Variants in ZNF16 observed in about 807,000 individuals in gnomAD.
The protein encoded by ZNF16 is zinc finger protein KOX9.
Under a neutral mutation model 9.0 loss-of-function variants are expected in ZNF16, and 7 were observed. That is an observed-to-expected ratio of 0.78 (90% confidence interval 0.44 to 1.47). The LOEUF is 1.47. Ranked by LOEUF, ZNF16 falls within the 40% of genes most tolerant of loss-of-function variation. The pLI, the probability that ZNF16 is intolerant of heterozygous loss-of-function variation, is 0.01. For missense variants in ZNF16, 830 were observed against 854.2 expected, an observed-to-expected ratio of 0.97 and a Z score of 0.35; for synonymous variants, 312 against 301.5, an observed-to-expected ratio of 1.03 and a Z score of -0.36.
At chr8:144,936,102 T>A (rs13272746) in intron 2 of ZNF16, among the ~76,000 whole-genome samples, 39,975 of 152,096 alleles carry the variant, frequency 0.26, 5,337 homozygotes, top group East Asian at 0.38. Flanking sequence ...CTCCAGGCCC[T>A]GGCAACCACT....
In ZNF16 at chr8:144,931,316, A is replaced by G; in HGVS notation, c.1471T>C (p.Cys491Arg). 1.9e-6 allele frequency: 3 copies of G among 1,614,248 alleles called. No individual in the cohort carries two copies. The highest frequency in any genetic ancestry group is 2.5e-6 in the Non-Finnish European group (3 of 1,180,048). ...IIHTGEKPYRCSVCGKAFSHS... is the reference protein window; with the variant it reads ...IIHTGEKPYRRSVCGKAFSHS... Reference sequence around the variant, plus strand: ...CTGAAGGCCTTCCCACAGACACTGCATCTGTACGGCTTCTCTCCCGTGTGG... The same window carrying G: ...CTGAAGGCCTTCCCACAGACACTGCGTCTGTACGGCTTCTCTCCCGTGTGG... Residue 491 changes from cysteine (C) to arginine (R), a missense_variant, in exon 3 of 3, where the codon TGC becomes CGC. By Grantham distance (180) the Cys-to-Arg change is radical. Coordinates refer to ENST00000394909, the MANE Select transcript of ZNF16 (RefSeq NM_006958.3).
rs1373082103 is a variant in ZNF16 at position 144,930,814 on chromosome 8, T to C, written c.1973A>G (p.Asp658Gly). The change falls in exon 3 of 3, where the codon GAC becomes GGC. Residue 658 changes from aspartate (D) to glycine (G), a missense_variant. Transcript: ENST00000394909. ...QRIHTGVKPYDCAACGKAFSQ... is the reference protein window; with the variant it reads ...QRIHTGVKPYGCAACGKAFSQ... ...GAAGGCTTTCCCACAAGCAGCACAG[T>C]CATAGGGCTTCACCCCAGTGTGAAT... The C allele has an allele frequency of 1.5e-5, 23 of 1,578,982 alleles. No homozygotes were observed. Among genetic ancestry groups the C allele is most frequent in the Non-Finnish European group, 2.0e-5 (23 of 1,164,234 alleles).
Position 144,932,046 on chromosome 8 carries a change from G to C in ZNF16, c.741C>G (p.Ser247Arg), listed in dbSNP as rs1192335100. The change falls in exon 3 of 3, where the codon AGC becomes AGG. Residue 247 changes from serine to arginine, a missense_variant. Coordinates refer to ENST00000394909, the MANE Select transcript of ZNF16 (RefSeq NM_006958.3). The surrounding 1 kb of genome is among the most constrained non-coding windows in gnomAD (Gnocchi z 5.0). ...FMCDDCGKTF[S>R]QNSVLKNRHR... ...GACGGTTTTTAAGAACTGAGTTCTG[G>C]CTGAAGGTTTTCCCACAATCATCAC... The C allele has an allele frequency of 6.2e-7, 1 of 1,614,130 alleles. No homozygotes were observed. Among genetic ancestry groups the C allele is most frequent in the African/African-American group, 1.3e-5 (1 of 75,034 alleles).
chr8:144,941,550 T>C (rs924903501), intron 2 of ZNF16, among the ~76,000 whole-genome samples: 2 of 152,254 alleles, frequency 1.3e-5, no homozygotes, highest in African/African-American at 4.8e-5. Context: ...TCTGCCATTT[T>C]ATTTATTTTT....
At position 144,949,973 on chromosome 8, in the gene ZNF16, T is replaced by G. The variant is rs373580211; in HGVS notation, c.-10+824A>C. 1.8e-3 allele frequency among the ~76,000 whole-genome samples: 270 copies of G among 152,324 alleles called. 1 individual carries two copies. The highest frequency in any genetic ancestry group is 5.7e-3 in the African/African-American group (236 of 41,574). On this transcript the variant is annotated intron_variant, in intron 1 of 2. Coordinates refer to ENST00000394909, the MANE Select transcript of ZNF16 (RefSeq NM_006958.3). ...CTCCTGCCTGCCCCTGGGAACTGAA[T>G]GTCTCGGTATAAAACCCGATTGTAC...
At chr8:144,949,038 G>A (rs1834027248) in intron 1 of ZNF16, among the ~76,000 whole-genome samples, 1 of 152,262 alleles carries the variant, frequency 6.6e-6, no homozygotes, top group South Asian at 2.1e-4. Flanking sequence ...CACTTCTGAG[G>A]ACCAACCTCA....
chr8:144,939,745 G>C (rs1833760194), intron 2 of ZNF16, among the ~76,000 whole-genome samples: 1 of 151,470 alleles, frequency 6.6e-6, no homozygotes, highest in Non-Finnish European at 1.5e-5. Flanking sequence ...TGTTTCTATT[G>C]ATTTGTCCCT....
intron 1 of ZNF16, among the ~76,000 whole-genome samples, chr8:144,949,370 C>G (rs1484656788): frequency 1.3e-5 from 2 of 152,258 alleles, no homozygotes; most frequent in Non-Finnish European, 2.9e-5. Context: ...TCTCTGACTT[C>G]TCATGGAACA....
At chr8:144,941,603 G>A (rs866339166) in intron 2 of ZNF16, among the ~76,000 whole-genome samples, 1 of 151,080 alleles carries the variant, frequency 6.6e-6, no homozygotes, top group African/African-American at 2.4e-5. Flanking sequence ...CTCTACTGCT[G>A]TATTCTTAGG....
intron 2 of ZNF16, among the ~76,000 whole-genome samples, chr8:144,941,867 C>T (rs1173405242): frequency 6.6e-6 from 1 of 151,200 alleles, no homozygotes; most frequent in Non-Finnish European, 1.5e-5. Context: ...ACTGTGTTGG[C>T]CAGGATGGTC....
rs542264440 is a variant in ZNF16 at position 144,950,815 on chromosome 8, G to A, written c.-28C>T. 52 of 152,354 alleles carry A rather than the reference G, an allele frequency of 3.4e-4. No individual in the cohort carries two copies. The highest frequency in any genetic ancestry group is 1.2e-3 in the African/African-American group (51 of 41,580). The allele number at this position is 152,354 out of a possible 1,614,324, so 9.4% of individuals were successfully genotyped here. A position where few individuals can be genotyped will look rare whatever the true frequency, so the allele number is the denominator to read the frequency against. On this transcript the variant is annotated 5_prime_UTR_variant, in exon 1 of 3. Transcript: ENST00000394909. Reference sequence around the variant, plus strand: ...AACTAACCTCAACGGGTCGCGCTTGGAAAGGAGGCAGCACCGTGGCACGAA... The same window carrying A: ...AACTAACCTCAACGGGTCGCGCTTGAAAAGGAGGCAGCACCGTGGCACGAA...
intron 2 of ZNF16, among the ~76,000 whole-genome samples, chr8:144,942,488 A>G (rs1167390389): frequency 1.3e-5 from 2 of 149,006 alleles, no homozygotes; most frequent in African/African-American, 2.5e-5. Context: ...GGGTTTCACC[A>G]TGTTGGCCAG....
intron 2 of ZNF16, among the ~76,000 whole-genome samples, chr8:144,936,089 T>C (rs1833675192): frequency 6.6e-6 from 1 of 152,182 alleles, no homozygotes; most frequent in Non-Finnish European, 1.5e-5. Flanking sequence ...CATCTTCCTC[T>C]CCCTCCAGGC....
chr8:144,948,836 C>T (rs147479989), intron 1 of ZNF16, among the ~76,000 whole-genome samples: 145 of 152,320 alleles, frequency 9.5e-4, no homozygotes, highest in African/African-American at 3.4e-3. Context: ...AGGTCCATAT[C>T]CTAATCCCTG....
At chr8:144,947,018 C>T (rs574463732) in intron 1 of ZNF16, among the ~76,000 whole-genome samples, 4 of 123,384 alleles carry the variant, frequency 3.2e-5, no homozygotes, top group African/African-American at 1.0e-4. Context: ...GGGCCTGTAT[C>T]CTGCTGTTGG....
intron 1 of ZNF16, among the ~76,000 whole-genome samples, chr8:144,949,563 T>G (rs895322620): frequency 1.3e-5 from 2 of 152,240 alleles, no homozygotes; most frequent in African/African-American, 4.8e-5. Context: ...TGCTGTTAAT[T>G]TGTAACTTTG....
chr8:144,937,137 C>CTTTTTT lies in ZNF16; in HGVS notation c.197-4548_197-4547insAAAAAA, dbSNP rs1554659152. ...GCAGGATGCTTTTTTCACTTTCTTT[C>CTTTTTT]TCTCTCTTTTTTTTTTTTTTTTTTT... On this transcript the variant is annotated intron_variant, in intron 2 of 2. Coordinates refer to ENST00000394909, the MANE Select transcript of ZNF16 (RefSeq NM_006958.3). 7.6e-4 allele frequency among the ~76,000 whole-genome samples: 86 copies of CTTTTTT among 112,952 alleles called. 2 individuals are homozygous for CTTTTTT. Among genetic ancestry groups the CTTTTTT allele is most frequent in the East Asian group, 1.1e-3 (4 of 3,530 alleles). 74.1% of individuals were successfully genotyped at this position (112,952 alleles called of 152,430 possible).
chr8:144,938,839 C>T (rs1833740292), intron 2 of ZNF16, among the ~76,000 whole-genome samples: 1 of 152,138 alleles, frequency 6.6e-6, no homozygotes, highest in African/African-American at 2.4e-5. Context: ...TTTTGTTCTT[C>T]ACTACTGTGT....
intron 2 of ZNF16, among the ~76,000 whole-genome samples, chr8:144,942,038 C>T (rs993040166): frequency 3.1e-4 from 44 of 143,740 alleles, no homozygotes; most frequent in East Asian, 2.0e-4. Context: ...AGTGCAGTGG[C>T]GCGATCTTGG....
Sources: gnomAD v4.1 joint callset for allele counts (sites outside exome capture counted in the v4.1 genomes callset) on GRCh38, gnomAD v4.1.1 for gene constraint, Gnocchi (gnomAD v3.1) non-coding constraint, MANE v1.5 for transcripts, NCBI Gene and HGNC (gene_info 2026-07-23, HGNC 2026-07-21) for gene names.